Variants in BMP2K observed in about 807,000 individuals in gnomAD.
BMP2K encodes the protein BMP-2-inducible protein kinase.
Under a neutral mutation model 116.0 loss-of-function variants are expected in BMP2K, and 74 were observed. The observed-to-expected ratio is 0.64, with a 90% confidence interval of 0.53 to 0.77. The LOEUF (loss-of-function observed/expected upper bound fraction) is 0.77. Ranked by LOEUF, BMP2K falls within the 30% of genes least tolerant of loss-of-function variation. BMP2K has a pLI of 0.00. For missense variants in BMP2K, 1,365 were observed against 1,403.6 expected (o/e 0.97, Z 0.44); for synonymous variants, 486 against 502.5 (o/e 0.97, Z 0.44).
rs192292808 is a variant in BMP2K, at chr4:78,849,960, A to G, written c.751-964A>G. 1.1e-3 allele frequency among the ~76,000 whole-genome samples: 167 copies of G among 151,830 alleles called. 4 individuals are homozygous for G. In the South Asian group the frequency reaches 0.011, roughly 10 times the overall value. On this transcript the variant is annotated intron_variant, in intron 6 of 15. Transcript: ENST00000502613. ...TTTACTAAGTTGATATGTGGAGAAA[A>G]TTTAACAAAGGAAAGCTGACTTGGT...
At chr4:78,876,255 G>GT (rs953637957) in intron 13 of BMP2K, among the ~76,000 whole-genome samples, 34 of 146,292 alleles carry the variant, frequency 2.3e-4, no homozygotes, top group South Asian at 2.2e-4. Flanking sequence ...ACTGTGATCT[G>GT]TTTTTTTTTT....
intron 1 of BMP2K, among the ~76,000 whole-genome samples, chr4:78,794,182 T>TG (rs1371086497): frequency 1.3e-5 from 2 of 152,050 alleles, no homozygotes; most frequent in African/African-American, 2.4e-5. Flanking sequence ...ATCTTGGATC[T>TG]GGGGGGGAAT....
At chr4:78,903,671 A>G (rs1463675800) in intron 15 of BMP2K, among the ~76,000 whole-genome samples, 2 of 151,976 alleles carry the variant, frequency 1.3e-5, no homozygotes, top group Non-Finnish European at 2.9e-5. Flanking sequence ...TAGTGTTTCT[A>G]GAACTTAACC....
intron 1 of BMP2K, among the ~76,000 whole-genome samples, chr4:78,788,895 GTTTTTTTT>G (rs369759418): frequency 1.1e-4 from 12 of 107,356 alleles, no homozygotes; most frequent in Non-Finnish European, 1.8e-4. Flanking sequence ...AATAGTGGCT[GTTTTTTTT>G]TTTTTTTTTT....
At chr4:78,790,164 A>G (rs1276152134) in intron 1 of BMP2K, among the ~76,000 whole-genome samples, 1 of 152,118 alleles carries the variant, frequency 6.6e-6, no homozygotes, top group African/African-American at 2.4e-5. Flanking sequence ...TACTTTTATG[A>G]TACATTTGGC....
intron 1 of BMP2K, among the ~76,000 whole-genome samples, chr4:78,800,704 G>A (rs1425597525): frequency 1.3e-5 from 2 of 152,048 alleles, no homozygotes; most frequent in African/African-American, 2.4e-5. Flanking sequence ...TGGAGATAGA[G>A]CTCTTTTTAA....
chr4:78,879,306 C>T, intron 14 of BMP2K: 1 of 993,632 alleles, frequency 1.0e-6, no homozygotes, highest in Non-Finnish European at 1.2e-6. Context: ...TTTGAAAATG[C>T]CTGAAAGAAA....
chr4:78,814,042 G>T (rs975874114), intron 1 of BMP2K, among the ~76,000 whole-genome samples: 1 of 152,196 alleles, frequency 6.6e-6, no homozygotes, highest in African/African-American at 2.4e-5. Flanking sequence ...CTCCAGCAAT[G>T]TAAGAATGAG....
Position 78,887,263 on chromosome 4 carries a change from G to A in BMP2K, c.2041G>A (p.Val681Ile). ...TCCTCCAGAAGATCCTTTTGGTTCT[G>A]TTCCTTTCATTTCTCATTCAGGCAA... is the stretch of plus-strand genomic sequence containing the variant. ...NHPPEDPFGSVPFISHSGSPE... is the reference protein window; with the variant it reads ...NHPPEDPFGSIPFISHSGSPE... The change falls in exon 15 of 16, where the codon GTT becomes ATT. Residue 681 changes from valine (V) to isoleucine (I), a missense_variant. Coordinates refer to ENST00000502613, the MANE Select transcript of BMP2K (RefSeq NM_198892.2). 6.2e-7 allele frequency: 1 copy of A among 1,608,558 alleles called. No individual in the cohort carries two copies. Among genetic ancestry groups the A allele is most frequent in the Non-Finnish European group, 8.5e-7 (1 of 1,177,180 alleles).
At chr4:78,847,969 T>C (rs1455761003) in intron 6 of BMP2K, among the ~76,000 whole-genome samples, 2 of 151,678 alleles carry the variant, frequency 1.3e-5, no homozygotes, top group Non-Finnish European at 3.0e-5. Context: ...ATAAAATTCT[T>C]TGGAAATAGT....
At position 78,826,123 on chromosome 4, in the gene BMP2K, C is replaced by T; in HGVS notation, c.265C>T (p.Leu89Phe). 2 of 1,613,570 alleles carry T rather than the reference C, an allele frequency of 1.2e-6. No individual in the cohort carries two copies. Among genetic ancestry groups the T allele is most frequent in the East Asian group, 2.2e-5 (1 of 44,884 alleles). ...AATGTATGTCAATAACATGCCAGAC[C>T]TCAATGTTTGTAAAAGGGAAATTAC... ...KRMYVNNMPD[L>F]NVCKREITIM... The change falls in exon 2 of 16, where the codon CTC becomes TTC. Residue 89 changes from leucine (L) to phenylalanine (F), a missense_variant. By Grantham distance (22) the Leu-to-Phe change is conservative. Transcript: ENST00000502613.
intron 13 of BMP2K, among the ~76,000 whole-genome samples, chr4:78,875,818 C>T (rs1383839573): frequency 6.6e-6 from 1 of 152,134 alleles, no homozygotes; most frequent in Non-Finnish European, 1.5e-5. Context: ...TTCTCTTTGC[C>T]AAGGCAAAAA....
intron 2 of BMP2K, among the ~76,000 whole-genome samples, chr4:78,832,030 AT>A (rs1730231913): frequency 6.6e-6 from 1 of 152,156 alleles, no homozygotes; most frequent in African/African-American, 2.4e-5. Flanking sequence ...TTATGGCTGA[AT>A]AATATCCCAT....
chr4:78,805,350 C>T (rs894734403), intron 1 of BMP2K, among the ~76,000 whole-genome samples: 40 of 152,188 alleles, frequency 2.6e-4, no homozygotes, highest in African/African-American at 8.4e-4. Context: ...AAGTGTGAGT[C>T]CTCTAACTTT....
At chr4:78,837,887 C>T (rs1373498805) in intron 3 of BMP2K, among the ~76,000 whole-genome samples, 2 of 152,184 alleles carry the variant, frequency 1.3e-5, no homozygotes, top group Non-Finnish European at 2.9e-5. Context: ...AAGCAGTCCT[C>T]CCACCTCAGC....
intron 15 of BMP2K, among the ~76,000 whole-genome samples, chr4:78,899,898 G>C (rs900277030): frequency 6.6e-6 from 1 of 152,134 alleles, no homozygotes; most frequent in Non-Finnish European, 1.5e-5. Context: ...AACAGAGAAA[G>C]GTAGGTAGGT....
intron 1 of BMP2K, among the ~76,000 whole-genome samples, chr4:78,795,617 GA>G: frequency 6.6e-6 from 1 of 152,060 alleles, no homozygotes; most frequent in East Asian, 1.9e-4. Context: ...CAAAATGGGA[GA>G]AAATTTTCGC....
chr4:78,855,468 C>T (rs1299720004), intron 7 of BMP2K, among the ~76,000 whole-genome samples: 2 of 152,090 alleles, frequency 1.3e-5, no homozygotes, highest in African/African-American at 4.8e-5. Flanking sequence ...GGTGGCTTAA[C>T]TTTATCTAGG....
intron 15 of BMP2K, among the ~76,000 whole-genome samples, chr4:78,887,749 G>T (rs924214196): frequency 2.6e-5 from 4 of 151,956 alleles, no homozygotes; most frequent in Non-Finnish European, 5.9e-5. Flanking sequence ...GTTTTTCACT[G>T]TTAAAAATTT....
Sources: allele counts gnomAD v4.1 joint callset (sites outside exome capture counted in the v4.1 genomes callset), GRCh38; gene constraint gnomAD v4.1.1; transcripts MANE v1.5; gene names NCBI Gene and HGNC (gene_info 2026-07-23, HGNC 2026-07-21).